The following CYP20A1 variants were observed in gnomAD, a reference collection of about 807,000 sequenced individuals.
CYP20A1 encodes the protein cytochrome P450 family 20 subfamily A member 1, also known as cytochrome P450 20A1.
In CYP20A1, 61 loss-of-function variants were observed where a neutral mutation model predicts 61.4. The observed-to-expected ratio is 0.99, with a 90% CI of 0.81 to 1.23. The LOEUF (loss-of-function observed/expected upper bound fraction) is 1.23, where lower values mean the gene tolerates loss of function less well. Ranked by LOEUF, CYP20A1 falls within the 50% of genes most tolerant of loss-of-function variation. CYP20A1 has a pLI of 0.00. For missense variants in CYP20A1, 530 were observed against 542.4 expected, an observed-to-expected ratio of 0.98 and a Z score of 0.23; for synonymous variants, 193 against 188.2, an observed-to-expected ratio of 1.03 and a Z score of -0.21.
chr2:203,277,916 CAG>C (rs1265605149), intron 6 of CYP20A1, among the ~76,000 whole-genome samples: 1 of 152,148 alleles, frequency 6.6e-6, no homozygotes, highest in Admixed American at 6.6e-5. Flanking sequence ...GTTAAGAAGA[CAG>C]AATTTAGAAG....
intron 4 of CYP20A1, among the ~76,000 whole-genome samples, chr2:203,260,380 G>A (rs185805222): frequency 4.7e-5 from 7 of 150,216 alleles, no homozygotes; most frequent in Admixed American, 2.0e-4. Context: ...GTGCCACGAC[G>A]CCCGGCTAAT....
At chr2:203,244,699 C>T (rs550466998) in intron 1 of CYP20A1, among the ~76,000 whole-genome samples, 1 of 150,982 alleles carries the variant, frequency 6.6e-6, no homozygotes, top group African/African-American at 2.4e-5. Flanking sequence ...GTTTAACTGA[C>T]AGAGGAAGAA....
chr2:203,239,198 C>G, intron 1 of CYP20A1, 64 bp downstream of exon 1: 1 of 1,383,788 alleles, frequency 7.2e-7, no homozygotes, highest in Non-Finnish European at 1.0e-6. Flanking sequence ...CGCCGGCATC[C>G]AGGCCAACCT....
intron 1 of CYP20A1, among the ~76,000 whole-genome samples, chr2:203,239,790 G>C (rs566898954): frequency 6.6e-6 from 1 of 152,302 alleles, no homozygotes; most frequent in African/African-American, 2.4e-5. Context: ...CAGCGAGAGA[G>C]GGAGGGTCTG....
chr2:203,248,150 G>A (rs566794575), intron 3 of CYP20A1, among the ~76,000 whole-genome samples: 106 of 152,136 alleles, frequency 7.0e-4, no homozygotes, highest in African/African-American at 2.4e-3. Flanking sequence ...GCTTGAGTTC[G>A]GGAGGTTGAG....
intron 12 of CYP20A1, 43 bp from the exon 13 acceptor site, chr2:203,296,715 A>C: frequency 1.3e-6 from 2 of 1,557,952 alleles, no homozygotes; most frequent in Non-Finnish European, 8.6e-7. Flanking sequence ...TTTAAAGTAT[A>C]ATTTTTAATC....
chr2:203,260,970 C>A (rs991651134), intron 4 of CYP20A1, among the ~76,000 whole-genome samples: 1 of 151,284 alleles, frequency 6.6e-6, no homozygotes, highest in Non-Finnish European at 1.5e-5. Context: ...TTTTCTTATT[C>A]TTTTTTTCTC....
intron 8 of CYP20A1, among the ~76,000 whole-genome samples, chr2:203,283,286 G>T (rs566722185): frequency 7.4e-6 from 1 of 134,436 alleles, no homozygotes; most frequent in African/African-American, 2.8e-5. Flanking sequence ...GTGCAATCTC[G>T]GCTCACTGCA....
chr2:203,252,314 G>T (rs1195193872), intron 4 of CYP20A1, among the ~76,000 whole-genome samples: 1 of 152,036 alleles, frequency 6.6e-6, no homozygotes, highest in Admixed American at 6.6e-5. Flanking sequence ...CAGACTCACT[G>T]TATAAGTTGG....
In CYP20A1 at chr2:203,239,143, C is replaced by T; in HGVS notation, c.72+9C>T. The T allele has an allele frequency of 1.2e-6, 2 of 1,611,662 alleles. No individual in the cohort carries two copies. Among genetic ancestry groups the T allele is most frequent in the Non-Finnish European group, 1.7e-6 (2 of 1,178,824 alleles). The stretch of plus-strand genomic sequence containing the variant: ...TGCTCTACCTCTATCCGGTGAGCGC[C>T]GTCTTGGCTCTCTGGGGCCCCGGGC... On this transcript the variant is annotated intron_variant, in intron 1 of 12. Transcript: ENST00000356079.
intron 9 of CYP20A1, among the ~76,000 whole-genome samples, chr2:203,286,522 G>A (rs1392289052): frequency 6.6e-6 from 1 of 152,058 alleles, no homozygotes; most frequent in Admixed American, 6.6e-5. Context: ...TAATAAAAAG[G>A]AACACCGTAT....
intron 5 of CYP20A1, among the ~76,000 whole-genome samples, chr2:203,269,602 C>G (rs1162530189): frequency 6.6e-6 from 1 of 151,076 alleles, no homozygotes; most frequent in Non-Finnish European, 1.5e-5. Context: ...TAAAGCGATT[C>G]TCCTGCCTCA....
rs1052416188 is a variant in CYP20A1, at chr2:203,303,141, C to T, written c.*6233C>T. 4.6e-5 allele frequency among the ~76,000 whole-genome samples: 7 copies of T among 151,888 alleles called. No individual in the cohort carries two copies. The highest frequency in any genetic ancestry group is 1.9e-4 in the East Asian group (1 of 5,152). On this transcript the variant is annotated 3_prime_UTR_variant, in exon 13 of 13. Transcript: ENST00000356079. Reference sequence around the variant, plus strand: ...TCAGCCTCCTGAGTAGCTGAGACTACGGGTATGTGCCACTACACTCAGCTA... The same window carrying T: ...TCAGCCTCCTGAGTAGCTGAGACTATGGGTATGTGCCACTACACTCAGCTA...
Position 203,272,729 on chromosome 2 carries a change from G to GA in CYP20A1, c.666dup (p.Gln223ThrfsTer3), listed in dbSNP as rs2067655723. On this transcript the variant is annotated frameshift_variant, in exon 6 of 13. Coordinates refer to ENST00000356079, the MANE Select transcript of CYP20A1 (RefSeq NM_177538.3). LOFTEE classifies it high-confidence loss of function. ...GGTCACTTGATAAAAACATGACTCGGAAAAAACAATATGAAGATGGTAAGT... is the reference window on the plus strand; with the variant it reads ...GGTCACTTGATAAAAACATGACTCGGAAAAAAACAATATGAAGATGGTAAGT... 1 of 1,601,094 alleles carries GA rather than the reference G, an allele frequency of 6.2e-7. No homozygotes were observed. The highest frequency in any genetic ancestry group is 8.5e-7 in the Non-Finnish European group (1 of 1,175,738).
chr2:203,256,922 A>T (rs906509059), intron 4 of CYP20A1, among the ~76,000 whole-genome samples: 1 of 151,498 alleles, frequency 6.6e-6, no homozygotes, highest in African/African-American at 2.4e-5. Context: ...GCTAACTTCT[A>T]CTCCAGCCTC....
chr2:203,261,830 A>G (rs1297200012), intron 4 of CYP20A1, among the ~76,000 whole-genome samples: 1 of 151,840 alleles, frequency 6.6e-6, no homozygotes, highest in Non-Finnish European at 1.5e-5. Context: ...GTCCTCTAGT[A>G]TGCTGTCCTC....
At chr2:203,240,195 A>G (rs968996004) in intron 1 of CYP20A1, among the ~76,000 whole-genome samples, 1 of 152,232 alleles carries the variant, frequency 6.6e-6, no homozygotes, top group Non-Finnish European at 1.5e-5. Flanking sequence ...GGAATTGACC[A>G]TACACCTTCT....
At chr2:203,279,929 A>G in intron 7 of CYP20A1, 130 bp from the exon 8 acceptor site, 1 of 562,844 alleles carries the variant, frequency 1.8e-6, no homozygotes, top group South Asian at 4.1e-5. Context: ...GTTTTAGTGA[A>G]AACATCAAAA....
intron 3 of CYP20A1, among the ~76,000 whole-genome samples, chr2:203,250,559 A>G (rs557707248): frequency 1.3e-5 from 2 of 152,188 alleles, no homozygotes; most frequent in Non-Finnish European, 2.9e-5. Flanking sequence ...GCTTTATACA[A>G]CATGAAAAGA....
Sources: gnomAD v4.1 joint callset for allele counts (sites outside exome capture counted in the v4.1 genomes callset) on GRCh38, gnomAD v4.1.1 for gene constraint, MANE v1.5 for transcripts, NCBI Gene and HGNC (gene_info 2026-07-23, HGNC 2026-07-21) for gene names.